The following ZC3H12B variants were observed in gnomAD, a reference collection of about 807,000 sequenced individuals.
The protein encoded by ZC3H12B is zinc finger CCCH-type containing 12B.
ZC3H12B carries 7 observed loss-of-function variants against 43.9 expected under a neutral mutation model. That is an observed-to-expected ratio of 0.16 (90% CI 0.09 to 0.30). The LOEUF is 0.30. ZC3H12B is among the 10% of genes least tolerant of loss of function. The pLI is 1.00. For missense variants in ZC3H12B, 475 were observed against 670.2 expected, an observed-to-expected ratio of 0.71 and a Z score of 3.22; for synonymous variants, 222 against 241.7, an observed-to-expected ratio of 0.92 and a Z score of 0.76.
chrX:65,330,261 T>G, the ZC3H12B span, among the ~76,000 whole-genome samples: 3 of 111,920 alleles, frequency 2.7e-5, no homozygotes, highest in African/African-American at 9.7e-5. Context: ...TTTTGTATCC[T>G]GAAACTTTGA....
chrX:65,109,101 G>A, the ZC3H12B span, among the ~76,000 whole-genome samples: 1 of 111,530 alleles, frequency 9.0e-6, no homozygotes, highest in African/African-American at 3.3e-5. Context: ...ACCTCCTTCA[G>A]TATATTCCTA....
chrX:65,249,899 T>A, the ZC3H12B span, among the ~76,000 whole-genome samples: 19 of 108,086 alleles, frequency 1.8e-4, no homozygotes, highest in Middle Eastern at 4.7e-3. Flanking sequence ...GCTACTTTTG[T>A]GTACATTAGT....
the ZC3H12B span, among the ~76,000 whole-genome samples, chrX:65,290,396 A>G: frequency 3.6e-5 from 4 of 111,305 alleles, no homozygotes; most frequent in Non-Finnish European, 7.6e-5. Context: ...GAGGGAATGT[A>G]AACTGATACA....
chrX:65,389,004 T>A (rs1029544219), intron 2 of ZC3H12B, among the ~76,000 whole-genome samples: 2 of 111,931 alleles, frequency 1.8e-5, no homozygotes, highest in East Asian at 5.6e-4. Context: ...GGAAGTTTTG[T>A]CTCAGAGGAG....
intron 3 of ZC3H12B, among the ~76,000 whole-genome samples, chrX:65,418,226 G>A (rs1270875510): frequency 2.7e-5 from 3 of 111,540 alleles, no homozygotes; most frequent in African/African-American, 9.8e-5. Flanking sequence ...AATTAATTGA[G>A]ATAAGATTAC....
intron 2 of ZC3H12B, among the ~76,000 whole-genome samples, chrX:65,374,255 G>C (rs1461491651): frequency 1.3e-5 from 1 of 75,334 alleles, no homozygotes; most frequent in Non-Finnish European, 2.2e-5. Context: ...TATATATATA[G>C]TATAGTAATA....
chrX:65,381,563 C>T (rs1602348555), intron 2 of ZC3H12B, among the ~76,000 whole-genome samples: 2 of 111,161 alleles, frequency 1.8e-5, no homozygotes, highest in African/African-American at 6.5e-5. Context: ...CAAGAGCAAA[C>T]ACATTCAAAA....
upstream of ZC3H12B, among the ~76,000 whole-genome samples, chrX:65,488,483 G>T (rs2068158826): frequency 1.8e-5 from 2 of 110,203 alleles, no homozygotes; most frequent in South Asian, 3.9e-4. Context: ...AATTATTATA[G>T]AATTAGGGAC....
At chrX:65,144,134 A>G in the ZC3H12B span, among the ~76,000 whole-genome samples, 8 of 110,727 alleles carry the variant, frequency 7.2e-5, no homozygotes, top group South Asian at 3.8e-4. Context: ...TAGTCTTGGG[A>G]TTTTTTTGTT....
chrX:65,219,809 T>TACACACACACACAC, the ZC3H12B span, among the ~76,000 whole-genome samples: 16 of 76,475 alleles, frequency 2.1e-4, no homozygotes, highest in Admixed American at 4.7e-4. Context: ...TACACACACA[T>TACACACACACACAC]ACACACACAC....
At chrX:65,150,215 AGGT>A in the ZC3H12B span, among the ~76,000 whole-genome samples, 1 of 110,978 alleles carries the variant, frequency 9.0e-6, no homozygotes, top group Non-Finnish European at 1.9e-5. Flanking sequence ...CTGAACATAA[AGGT>A]GGCAGGAATC....
chrX:65,425,649 T>A (rs1310266378), intron 3 of ZC3H12B, among the ~76,000 whole-genome samples: 5 of 111,676 alleles, frequency 4.5e-5, no homozygotes, highest in Non-Finnish European at 9.4e-5. Context: ...ATACCTAGTT[T>A]ATTGAGAGTT....
the ZC3H12B span, among the ~76,000 whole-genome samples, chrX:65,192,669 A>T: frequency 9.0e-6 from 1 of 111,550 alleles, no homozygotes; most frequent in African/African-American, 3.3e-5. Flanking sequence ...GCATATGTTG[A>T]ACTATTCCTC....
rs1406305268 is a variant in ZC3H12B at position 65,429,273 on chromosome X, G to A, written n.407+30569G>A. ...TAAAGAAGCAATCTGGCTGCTTTTG[G>A]GTAGAGCAGGCATGCTGTGTTGGTG... On this transcript the variant is annotated intron_variant and non_coding_transcript_variant, in intron 3 of 5. Coordinates refer to the ZC3H12B transcript ENST00000617377. 2.7e-5 allele frequency among the ~76,000 whole-genome samples: 3 copies of A among 112,630 alleles called. No homozygotes were observed. The Admixed American group carries it at 2.8e-4, about 11-fold the overall frequency.
the ZC3H12B span, among the ~76,000 whole-genome samples, chrX:65,100,613 T>C: frequency 2.4e-5 from 2 of 83,225 alleles, no homozygotes; most frequent in African/African-American, 5.0e-5. Flanking sequence ...ACAATCTTAG[T>C]CTCTGATAAA....
the ZC3H12B span, among the ~76,000 whole-genome samples, chrX:65,052,544 T>C: frequency 9.0e-6 from 1 of 111,518 alleles, no homozygotes; most frequent in Admixed American, 9.6e-5. Context: ...TGTCTTTCTG[T>C]GCCTGGCTTA....
chrX:65,421,880 G>A (rs1023602503), intron 3 of ZC3H12B, among the ~76,000 whole-genome samples: 1 of 109,033 alleles, frequency 9.2e-6, no homozygotes. Context: ...CCGGGCAGGC[G>A]GAGCTTGCAG....
chrX:65,105,917 A>T, the ZC3H12B span, among the ~76,000 whole-genome samples: 1 of 111,738 alleles, frequency 8.9e-6, no homozygotes, highest in African/African-American at 3.2e-5. Context: ...GTCTGCTGAG[A>T]AGAGCTCTTG....
the ZC3H12B span, among the ~76,000 whole-genome samples, chrX:65,289,939 A>G: frequency 7.3e-4 from 81 of 111,207 alleles, no homozygotes; most frequent in African/African-American, 2.6e-3. Flanking sequence ...TTTATTATCC[A>G]TCCTCAAGAG....
Sources: allele counts gnomAD v4.1 joint callset (sites outside exome capture counted in the v4.1 genomes callset), GRCh38; gene constraint gnomAD v4.1.1; transcripts MANE v1.5; gene names NCBI Gene and HGNC (gene_info 2026-07-23, HGNC 2026-07-21).